TBC1D23: variants seen among roughly 807,000 people sequenced by gnomAD.
TBC1D23 encodes TBC1 domain family member 23.
TBC1D23 carries 55 observed loss-of-function variants against 91.4 expected under a neutral mutation model. The ratio of observed to expected loss-of-function variants is 0.60; its 90% CI spans 0.48 to 0.75. The LOEUF (loss-of-function observed/expected upper bound fraction) is 0.75, where lower values mean the gene tolerates loss of function less well. TBC1D23 is among the 30% of genes least tolerant of loss of function. The pLI is 0.00. For missense variants in TBC1D23, 725 were observed against 836.1 expected (o/e 0.87, Z 1.64); for synonymous variants, 289 against 281.0 (o/e 1.03, Z -0.28).
At chr3:100,288,017 A>T (rs1371385610) in intron 4 of TBC1D23, among the ~76,000 whole-genome samples, 1 of 152,092 alleles carries the variant, frequency 6.6e-6, no homozygotes, top group African/African-American at 2.4e-5. Flanking sequence ...CAGGGCAGGC[A>T]GATCACTTGA....
At chr3:100,261,445 A>T (rs2067510011) in intron 1 of TBC1D23, 2 of 243,124 alleles carry the variant, frequency 8.2e-6, no homozygotes, top group East Asian at 1.8e-4. Flanking sequence ...GATCTGAGTC[A>T]CTAAAATACA....
In TBC1D23 at chr3:100,310,427, G is replaced by A; in HGVS notation, c.1438G>A (p.Asp480Asn). ...GGGTGAATCTCCTAATGGCTCAAGTGATAGAGGAATGAAATCACTAGTAAA... is the reference window on the plus strand; with the variant it reads ...GGGTGAATCTCCTAATGGCTCAAGTAATAGAGGAATGAAATCACTAGTAAA... ...VDGESPNGSS[D>N]RGMKSLVNKM... Residue 480 changes from aspartate (D) to asparagine (N), a missense_variant, in exon 14 of 19, where the codon GAT (aspartate) becomes AAT (asparagine). Transcript: ENST00000394144. 1.2e-6 allele frequency: 2 copies of A among 1,613,082 alleles called. No individual in the cohort carries two copies. The highest frequency in any genetic ancestry group is 1.1e-5 in the South Asian group (1 of 90,906).
chr3:100,306,407 G>GTTTTTC, intron 12 of TBC1D23, 30 bp from the exon 13 acceptor site: 1 of 1,343,930 alleles, frequency 7.4e-7, no homozygotes, highest in Non-Finnish European at 1.1e-6. Context: ...GATATTTTAG[G>GTTTTTC]TTTTTCTTTT....
At position 100,306,562 on chromosome 3, in the gene TBC1D23, T is replaced by A; in HGVS notation, c.1413+19T>A. 6.9e-7 allele frequency: 1 copy of A among 1,444,072 alleles called. No homozygotes were observed. The allele number at this position is 1,444,072 out of a possible 1,614,324, so 89.5% of individuals were successfully genotyped here. The stretch of plus-strand genomic sequence containing the variant: ...TGTTGATGTAAGTATATGTAGAGAA[T>A]ATGTTACCGGATTTGGATAAGTTCC... On this transcript the variant is annotated intron_variant, in intron 13 of 18. Transcript: ENST00000394144.
intron 1 of TBC1D23, among the ~76,000 whole-genome samples, chr3:100,278,885 C>A (rs942019852): frequency 6.6e-6 from 1 of 152,032 alleles, no homozygotes; most frequent in Non-Finnish European, 1.5e-5. Context: ...CCAATAGATC[C>A]TTTTTTCCCT....
intron 1 of TBC1D23, among the ~76,000 whole-genome samples, chr3:100,262,685 A>C (rs1365603231): frequency 1.5e-5 from 2 of 131,410 alleles, no homozygotes; most frequent in African/African-American, 2.8e-5. Context: ...AGATCGAGCC[A>C]CTACTGTCCA....
intron 13 of TBC1D23, 50 bp from the exon 14 acceptor site, chr3:100,310,353 A>C: frequency 6.5e-7 from 1 of 1,527,492 alleles, no homozygotes; most frequent in Non-Finnish European, 8.9e-7. Flanking sequence ...TAGCAGTAGT[A>C]TGTCTTTTAG....
chr3:100,311,917 T>C (rs1245745584), intron 15 of TBC1D23, 40 bp downstream of exon 15: 81 of 1,382,004 alleles, frequency 5.9e-5, no homozygotes, highest in Middle Eastern at 1.7e-4. Context: ...AACCATCCTT[T>C]TCCTTTAATA....
rs766157142 is a variant in TBC1D23, at chr3:100,296,327, T to C, written c.876+52T>C. On this transcript the variant is annotated intron_variant, in intron 8 of 18. Transcript: ENST00000394144. The stretch of plus-strand genomic sequence containing the variant: ...GTTGTATTTCATATTTTGTACATTG[T>C]TTTATTACTTTATATTCACTTTAGT... 3.9e-6 allele frequency: 4 copies of C among 1,015,176 alleles called. No individual in the cohort carries two copies. In the Admixed American group the frequency reaches 6.9e-5, roughly 18 times the overall value. The allele number at this position is 1,015,176 out of a possible 1,614,324, so 62.9% of individuals were successfully genotyped here.
At chr3:100,290,833 T>C (rs1411074096) in intron 5 of TBC1D23, 132 bp downstream of exon 5, 1 of 679,572 alleles carries the variant, frequency 1.5e-6, no homozygotes, top group Admixed American at 3.5e-5. Flanking sequence ...ACCAAAGGGG[T>C]AAAATTATTG....
At chr3:100,278,633 C>A (rs542780088) in intron 1 of TBC1D23, among the ~76,000 whole-genome samples, 7 of 152,308 alleles carry the variant, frequency 4.6e-5, no homozygotes, top group African/African-American at 1.7e-4. Flanking sequence ...ATCCACCCAC[C>A]TTGGCCTCCC....
intron 1 of TBC1D23, among the ~76,000 whole-genome samples, chr3:100,275,157 G>C (rs1019754259): frequency 2.6e-5 from 4 of 152,010 alleles, no homozygotes; most frequent in Admixed American, 1.3e-4. Flanking sequence ...TGTACACAAG[G>C]GTTCACATCT....
In TBC1D23 at chr3:100,318,533, A is replaced by G. The variant is rs554626405; in HGVS notation, c.1688-536A>G. On this transcript the variant is annotated intron_variant, in intron 16 of 18. Transcript: ENST00000394144. ...GTTTAATCTTTAAAAGTGTATTCTT[A>G]ATATTTAAACCTGACTTTGTTACCA... Among the ~76,000 whole-genome samples the G allele has an allele frequency of 3.9e-4, 60 of 152,288 alleles. 1 individual carries two copies. The highest frequency in any genetic ancestry group is 7.4e-4 in the Non-Finnish European group (50 of 68,016).
At chr3:100,301,136 G>A (rs902106807) in intron 10 of TBC1D23, among the ~76,000 whole-genome samples, 12 of 152,002 alleles carry the variant, frequency 7.9e-5, no homozygotes, top group African/African-American at 2.7e-4. Context: ...GAGGTGTGTG[G>A]ATATATACAT....
rs973116856 is a variant in TBC1D23 at position 100,324,024 on chromosome 3, A to G, written c.*356A>G. ...TTCGGGATCAAAAACAACTGTACAC[A>G]TACATATCTGCAGTGTCTTCACTGA... On this transcript the variant is annotated 3_prime_UTR_variant, in exon 19 of 19. Transcript: ENST00000394144. 1 of 152,828 alleles carries G rather than the reference A, an allele frequency of 6.5e-6. No homozygotes were observed. Among genetic ancestry groups the G allele is most frequent in the Non-Finnish European group, 1.5e-5 (1 of 68,462 alleles). 9.5% of individuals were successfully genotyped at this position (152,828 alleles called of 1,614,324 possible). A position where few individuals can be genotyped will look rare whatever the true frequency, so the allele number is the denominator to read the frequency against.
chr3:100,261,862 T>C (rs1262626208), intron 1 of TBC1D23, among the ~76,000 whole-genome samples: 2 of 152,230 alleles, frequency 1.3e-5, no homozygotes, highest in African/African-American at 4.8e-5. Context: ...TACAACATCA[T>C]TTTTTAAAAA....
At chr3:100,302,270 G>T in intron 11 of TBC1D23, 33 bp downstream of exon 11, 1 of 1,559,436 alleles carries the variant, frequency 6.4e-7, no homozygotes, top group Admixed American at 1.9e-5. Context: ...AGTTTTGTTT[G>T]GTTAATGTTA....
intron 13 of TBC1D23, among the ~76,000 whole-genome samples, chr3:100,309,038 T>C (rs1489219359): frequency 6.6e-6 from 1 of 152,116 alleles, no homozygotes; most frequent in Non-Finnish European, 1.5e-5. Flanking sequence ...CCAGGTGTGG[T>C]GGTAGGTGCC....
At chr3:100,319,327 A>T (rs1217119817) in intron 17 of TBC1D23, 123 bp downstream of exon 17, 3 of 786,220 alleles carry the variant, frequency 3.8e-6, no homozygotes, top group Non-Finnish European at 6.1e-6. Flanking sequence ...CCTTCTGTCT[A>T]CTTGTATTAC....
Sources: gnomAD v4.1 joint callset for allele counts (sites outside exome capture counted in the v4.1 genomes callset) on GRCh38, gnomAD v4.1.1 for gene constraint, MANE v1.5 for transcripts, NCBI Gene and HGNC (gene_info 2026-07-23, HGNC 2026-07-21) for gene names.